CLEC2A: variants seen among roughly 807,000 people sequenced by gnomAD.
CLEC2A encodes C-type lectin domain family 2 member A, also known as keratinocyte-associated C-type lectin.
In CLEC2A, 19 loss-of-function variants were observed where a neutral mutation model predicts 18.6. That is an observed-to-expected ratio of 1.02 (90% CI 0.71 to 1.50). CLEC2A has a LOEUF of 1.50. Ranked by LOEUF, CLEC2A falls within the 40% of genes most tolerant of loss-of-function variation. The pLI, the probability that CLEC2A is intolerant of heterozygous loss-of-function variation, is 0.00. For synonymous variants in CLEC2A, 74 were observed against 64.0 expected (o/e 1.16, Z -0.75); for missense variants, 190 against 207.9 (o/e 0.91, Z 0.53).
At chr12:9,888,096 G>GAAAAA in the CLEC2A span, among the ~76,000 whole-genome samples, 2 of 101,282 alleles carry the variant, frequency 2.0e-5, no homozygotes, top group African/African-American at 7.5e-5. Flanking sequence ...TAATAAAAAT[G>GAAAAA]AAAAAAAAAA....
chr12:9,913,740 A>G, intron 4 of CLEC2A, 60 bp from the exon 5 acceptor site: 1 of 1,083,156 alleles, frequency 9.2e-7, no homozygotes. Flanking sequence ...CAAAAAGACA[A>G]TTAATAATAG....
intron 1 of CLEC2A, among the ~76,000 whole-genome samples, chr12:9,928,295 T>A (rs1463216034): frequency 2.0e-5 from 3 of 151,952 alleles, no homozygotes; most frequent in Non-Finnish European, 4.4e-5. Context: ...GTGAGACCCC[T>A]TCTCTACTAA....
the CLEC2A span, among the ~76,000 whole-genome samples, chr12:9,879,178 A>G: frequency 6.6e-6 from 1 of 152,188 alleles, no homozygotes; most frequent in Admixed American, 6.5e-5. Context: ...AGAAAAACAA[A>G]CAAAAAAGGA....
intron 3 of CLEC2A, among the ~76,000 whole-genome samples, chr12:9,917,829 T>G (rs1863097592): frequency 6.6e-6 from 1 of 152,242 alleles, no homozygotes; most frequent in Non-Finnish European, 1.5e-5. Flanking sequence ...TCGTTGTGGT[T>G]TTAATGTGCA....
At chr12:9,893,604 C>T in the CLEC2A span, 1 of 563,570 alleles carries the variant, frequency 1.8e-6, no homozygotes, top group East Asian at 3.2e-5. Context: ...TATTAAACTT[C>T]TTCACTTTCC....
intron 3 of CLEC2A, 37 bp downstream of exon 3, chr12:9,922,029 A>T: frequency 6.9e-7 from 1 of 1,457,262 alleles, no homozygotes; most frequent in South Asian, 1.4e-5. Flanking sequence ...TATACAAACA[A>T]TCTCTGAAAT....
At chr12:9,887,928 C>T in the CLEC2A span, among the ~76,000 whole-genome samples, 3 of 150,768 alleles carry the variant, frequency 2.0e-5, no homozygotes, top group East Asian at 1.9e-4. Flanking sequence ...TGGAAGTGTG[C>T]GCCTGTACTC....
intron 3 of CLEC2A, among the ~76,000 whole-genome samples, chr12:9,920,599 C>T (rs982477228): frequency 2.0e-5 from 3 of 152,110 alleles, no homozygotes; most frequent in Non-Finnish European, 4.4e-5. Context: ...AGTTCCATTG[C>T]GTGTACCCTG....
chr12:9,926,632 T>A (rs1383791919), intron 1 of CLEC2A, among the ~76,000 whole-genome samples: 1 of 152,028 alleles, frequency 6.6e-6, no homozygotes, highest in Non-Finnish European at 1.5e-5. Flanking sequence ...GTAGAAATAG[T>A]TTGAATGGGG....
intron 4 of CLEC2A, among the ~76,000 whole-genome samples, chr12:9,901,253 C>T (rs987692763): frequency 6.6e-6 from 1 of 152,150 alleles, no homozygotes; most frequent in Non-Finnish European, 1.5e-5. Flanking sequence ...CTAAAGTTAT[C>T]AGAGATCTGT....
chr12:9,900,495 A>G (rs1335144359), intron 4 of CLEC2A, among the ~76,000 whole-genome samples: 7 of 152,126 alleles, frequency 4.6e-5, no homozygotes, highest in Admixed American at 2.0e-4. Flanking sequence ...GATTGTTTGC[A>G]TAAAGTGCAG....
chr12:9,922,318 C>T, intron 2 of CLEC2A, 86 bp from the exon 3 acceptor site: 3 of 1,219,050 alleles, frequency 2.5e-6, no homozygotes, highest in Non-Finnish European at 2.2e-6. Flanking sequence ...TTACTTTTTG[C>T]TTCCACAGTT....
At chr12:9,889,897 G>A in the CLEC2A span, among the ~76,000 whole-genome samples, 1 of 151,808 alleles carries the variant, frequency 6.6e-6, no homozygotes, top group Non-Finnish European at 1.5e-5. Context: ...TTCTTCATCT[G>A]TAAATTGGGG....
At chr12:9,916,301 G>T (rs1863070382) in intron 4 of CLEC2A, among the ~76,000 whole-genome samples, 1 of 152,018 alleles carries the variant, frequency 6.6e-6, no homozygotes, top group African/African-American at 2.4e-5. Flanking sequence ...CAACTATAAA[G>T]TCTTTAACCC....
the CLEC2A span, among the ~76,000 whole-genome samples, chr12:9,889,430 G>A: frequency 6.6e-6 from 1 of 152,130 alleles, no homozygotes; most frequent in South Asian, 2.1e-4. Flanking sequence ...CCATAAAGTG[G>A]GTGGATCTTA....
At chr12:9,922,257 CAGA>C (rs776688440) in intron 2 of CLEC2A, 25 bp from the exon 3 acceptor site, 115 of 1,493,652 alleles carry the variant, frequency 7.7e-5, no homozygotes, top group Admixed American at 1.5e-4. Context: ...AAGAAATGAT[CAGA>C]TAAAGCATAT....
the CLEC2A span, chr12:9,884,901 T>A: frequency 1.4e-6 from 1 of 700,182 alleles, no homozygotes; most frequent in Middle Eastern, 2.9e-4. Flanking sequence ...ATAAAGTGAA[T>A]AATCACAAGA....
chr12:9,888,281 G>A, the CLEC2A span, among the ~76,000 whole-genome samples: 27 of 151,778 alleles, frequency 1.8e-4, no homozygotes, highest in African/African-American at 6.3e-4. Context: ...ACGAGGTCAG[G>A]AGATCGAGAC....
the CLEC2A span, among the ~76,000 whole-genome samples, chr12:9,879,294 C>T: frequency 2.6e-5 from 4 of 152,182 alleles, no homozygotes; most frequent in Non-Finnish European, 5.9e-5. Context: ...CTTACCCAAT[C>T]CCCAGACTTC....
Sources: allele counts gnomAD v4.1 joint callset (sites outside exome capture counted in the v4.1 genomes callset), GRCh38; gene constraint gnomAD v4.1.1; transcripts MANE v1.5; gene names NCBI Gene and HGNC (gene_info 2026-07-23, HGNC 2026-07-21).